PTPN4: variants seen among roughly 807,000 people sequenced by gnomAD.
PTPN4 encodes tyrosine-protein phosphatase non-receptor type 4.
Under a neutral mutation model 135.5 loss-of-function variants are expected in PTPN4, and 49 were observed. The ratio of observed to expected loss-of-function variants is 0.36; its 90% CI spans 0.29 to 0.46. The LOEUF is 0.46. Among genes scored for constraint, PTPN4 ranks in the 20% least tolerant of loss-of-function variants. The pLI is 1.00. For missense variants in PTPN4, 860 were observed against 1,101.0 expected (o/e 0.78, Z 3.10); for synonymous variants, 333 against 369.9 (o/e 0.90, Z 1.14).
At chr2:119,928,974 GT>G (rs1678863779) in intron 13 of PTPN4, among the ~76,000 whole-genome samples, 1 of 151,982 alleles carries the variant, frequency 6.6e-6, no homozygotes, top group Admixed American at 6.6e-5. Context: ...CTGCATCTTA[GT>G]TGTTCATTTT....
intron 13 of PTPN4, among the ~76,000 whole-genome samples, chr2:119,930,345 G>C (rs765347595): frequency 6.6e-6 from 1 of 152,104 alleles, no homozygotes; most frequent in Non-Finnish European, 1.5e-5. Context: ...GCTATGAATT[G>C]CTGAAATGAC....
chr2:119,849,525 C>T (rs1375294959), intron 2 of PTPN4, among the ~76,000 whole-genome samples: 2 of 152,112 alleles, frequency 1.3e-5, no homozygotes, highest in East Asian at 3.9e-4. Context: ...TGATGTCGAA[C>T]TCCTGGGCTC....
rs1300180688 is a variant in PTPN4 at position 119,983,470 on chromosome 2, G to A, written c.*6400G>A. 6.6e-6 allele frequency: 1 copy of A among 152,158 alleles called. No individual in the cohort carries two copies. Among genetic ancestry groups the A allele is most frequent in the African/African-American group, 2.4e-5 (1 of 41,434 alleles). 9.4% of individuals were successfully genotyped at this position (152,158 alleles called of 1,614,324 possible). A position where few individuals can be genotyped will look rare whatever the true frequency, so the allele number is the denominator to read the frequency against. ...CCTGGGTAAGAAAATTTTAACCCAA[G>A]TCTGGGATTCTCTGGCACCTGTCTT... is the stretch of plus-strand genomic sequence containing the variant. On this transcript the variant is annotated 3_prime_UTR_variant, in exon 27 of 27. Transcript: ENST00000263708.
At chr2:119,787,742 G>A (rs1383430221) in intron 1 of PTPN4, among the ~76,000 whole-genome samples, 2 of 152,166 alleles carry the variant, frequency 1.3e-5, no homozygotes, top group East Asian at 3.8e-4. Flanking sequence ...TGGAACCTAT[G>A]TAGTTCTATT....
chr2:119,798,884 G>T (rs1691311029), intron 1 of PTPN4, among the ~76,000 whole-genome samples: 1 of 152,212 alleles, frequency 6.6e-6, no homozygotes, highest in South Asian at 2.1e-4. Context: ...AGTGGAGTAT[G>T]AGGCAGAAAA....
intron 11 of PTPN4, chr2:119,915,553 T>C: frequency 5.4e-6 from 1 of 185,812 alleles, no homozygotes; most frequent in Non-Finnish European, 1.1e-5. Flanking sequence ...GCATTTCATA[T>C]ATCCCTTTTT....
At chr2:119,868,806 T>G (rs1038613077) in intron 3 of PTPN4, among the ~76,000 whole-genome samples, 1 of 152,216 alleles carries the variant, frequency 6.6e-6, no homozygotes, top group Non-Finnish European at 1.5e-5. Context: ...ACTGGCTTGC[T>G]GTTAATAAAT....
chr2:119,802,895 T>C (rs1236713165), intron 1 of PTPN4, among the ~76,000 whole-genome samples: 1 of 152,192 alleles, frequency 6.6e-6, no homozygotes, highest in Non-Finnish European at 1.5e-5. Context: ...AAAATAGTTA[T>C]AGGGCTGTTT....
intron 26 of PTPN4, among the ~76,000 whole-genome samples, chr2:119,974,276 A>G (rs1285980368): frequency 6.6e-6 from 1 of 152,088 alleles, no homozygotes; most frequent in East Asian, 1.9e-4. Context: ...CAATGGCGCA[A>G]TCTTGGCTCA....
intron 26 of PTPN4, among the ~76,000 whole-genome samples, chr2:119,969,962 A>G (rs1033629603): frequency 3.9e-5 from 6 of 152,334 alleles, no homozygotes; most frequent in African/African-American, 1.4e-4. Context: ...TACAATTCAC[A>G]TACCATAAAA....
At chr2:119,794,578 T>C (rs1036514751) in intron 1 of PTPN4, among the ~76,000 whole-genome samples, 3 of 152,146 alleles carry the variant, frequency 2.0e-5, no homozygotes, top group Non-Finnish European at 4.4e-5. Flanking sequence ...GGGAATGCGG[T>C]GTGGCACCTG....
chr2:119,806,811 T>C (rs1691478981), intron 1 of PTPN4, among the ~76,000 whole-genome samples: 1 of 152,040 alleles, frequency 6.6e-6, no homozygotes, highest in Non-Finnish European at 1.5e-5. Context: ...CATCCAAAAT[T>C]GACCACATAG....
At chr2:119,964,577 T>A (rs1236092823) in intron 24 of PTPN4, among the ~76,000 whole-genome samples, 1 of 152,218 alleles carries the variant, frequency 6.6e-6, no homozygotes, top group Non-Finnish European at 1.5e-5. Context: ...ACCCAAGAAT[T>A]CATTAGTTTT....
intron 2 of PTPN4, among the ~76,000 whole-genome samples, chr2:119,861,302 T>G (rs558884543): frequency 7.9e-5 from 12 of 152,306 alleles, no homozygotes; most frequent in Admixed American, 6.5e-4. Context: ...GTGACATTAA[T>G]CCTTCTAAAT....
At chr2:119,959,321 C>A (rs1679331709) in intron 22 of PTPN4, among the ~76,000 whole-genome samples, 1 of 151,692 alleles carries the variant, frequency 6.6e-6, no homozygotes, top group Non-Finnish European at 1.5e-5. Flanking sequence ...AAAATACGTG[C>A]AGTTTACAAA....
intron 2 of PTPN4, among the ~76,000 whole-genome samples, chr2:119,836,668 C>T (rs61459266): frequency 0.025 from 3,845 of 152,294 alleles, 165 homozygotes; most frequent in African/African-American, 0.087. Context: ...TGTGCTCTCG[C>T]GGGGTCCAGG....
At chr2:119,872,842 T>C (rs546290460) in intron 3 of PTPN4, among the ~76,000 whole-genome samples, 1 of 152,274 alleles carries the variant, frequency 6.6e-6, no homozygotes, top group South Asian at 2.1e-4. Flanking sequence ...CTTGATACTG[T>C]GGAAAAGAAT....
chr2:119,885,769 T>A, intron 8 of PTPN4, 26 bp from the exon 9 acceptor site: 1 of 1,471,356 alleles, frequency 6.8e-7, no homozygotes, highest in Non-Finnish European at 9.2e-7. Context: ...ATTGATCTCA[T>A]TTTTAACTTA....
chr2:119,895,697 G>A (rs1444791616), intron 9 of PTPN4, among the ~76,000 whole-genome samples: 3 of 151,836 alleles, frequency 2.0e-5, no homozygotes, highest in East Asian at 1.9e-4. Context: ...CAAGGCAGGC[G>A]GATCACGAGG....
Sources: allele counts gnomAD v4.1 joint callset (sites outside exome capture counted in the v4.1 genomes callset), GRCh38; gene constraint gnomAD v4.1.1; transcripts MANE v1.5; gene names NCBI Gene and HGNC (gene_info 2026-07-23, HGNC 2026-07-21).